Variants in RIGI observed in about 807,000 individuals in gnomAD.
RIGI encodes RNA sensor RIG-I, also known as antiviral innate immune response receptor RIG-I.
At chr9:32,510,331 C>T in the RIGI span, among the ~76,000 whole-genome samples, 192 of 152,224 alleles carry the variant, frequency 1.3e-3, no homozygotes, top group Non-Finnish European at 2.2e-3. Context: ...TTAGGTGCAG[C>T]CAGAGAGAAA....
At chr9:32,497,762 G>A in the RIGI span, among the ~76,000 whole-genome samples, 6 of 148,232 alleles carry the variant, frequency 4.0e-5, no homozygotes, top group African/African-American at 1.6e-4. Context: ...AAAAATGAAT[G>A]AATGAATAAA....
chr9:32,473,980 G>A, the RIGI span, among the ~76,000 whole-genome samples: 1 of 152,090 alleles, frequency 6.6e-6, no homozygotes, highest in Non-Finnish European at 1.5e-5. Context: ...GTGAGCCGAG[G>A]TTGTGCCACT....
chr9:32,525,978 T>A, the RIGI span: 5 of 1,078,732 alleles, frequency 4.6e-6, no homozygotes, highest in Non-Finnish European at 5.7e-6. Context: ...GCTCTCTGCA[T>A]TGATTAAAAG....
At chr9:32,467,670 G>A in the RIGI span, 2 of 1,300,232 alleles carry the variant, frequency 1.5e-6, no homozygotes, top group South Asian at 1.8e-5. Flanking sequence ...ACTCAACCAT[G>A]GCTCAGTAAA....
the RIGI span, chr9:32,457,495 A>AAAG: frequency 8.3e-7 from 1 of 1,206,538 alleles, no homozygotes; most frequent in Non-Finnish European, 1.1e-6. Flanking sequence ...AAAAAAAAAA[A>AAAG]AAGAAAACCC....
the RIGI span, among the ~76,000 whole-genome samples, chr9:32,478,712 A>G: frequency 2.6e-5 from 4 of 152,098 alleles, no homozygotes; most frequent in South Asian, 8.3e-4. Context: ...GGAGCATACC[A>G]CTATGCTCAG....
the RIGI span, among the ~76,000 whole-genome samples, chr9:32,499,480 G>A: frequency 6.6e-6 from 1 of 151,712 alleles, no homozygotes; most frequent in African/African-American, 2.4e-5. Flanking sequence ...AATTTGAGAA[G>A]GAGTTTCACT....
At chr9:32,503,733 G>C in the RIGI span, among the ~76,000 whole-genome samples, 1 of 152,020 alleles carries the variant, frequency 6.6e-6, no homozygotes, top group African/African-American at 2.4e-5. Context: ...GTTGGCCTTT[G>C]ACTCCAAAAT....
the RIGI span, among the ~76,000 whole-genome samples, chr9:32,476,830 C>G: frequency 6.6e-6 from 1 of 152,090 alleles, no homozygotes; most frequent in South Asian, 2.1e-4. Flanking sequence ...CTATGTTGCC[C>G]AGGCAGGTCT....
chr9:32,478,883 T>C, the RIGI span, among the ~76,000 whole-genome samples: 1 of 152,178 alleles, frequency 6.6e-6, no homozygotes, highest in African/African-American at 2.4e-5. Context: ...GAGTTTAGAC[T>C]TATGAACATG....
the RIGI span, among the ~76,000 whole-genome samples, chr9:32,491,805 T>C: frequency 6.6e-6 from 1 of 151,988 alleles, no homozygotes; most frequent in Non-Finnish European, 1.5e-5. Context: ...CAGATGTGTA[T>C]TTATACAGTT....
At chr9:32,526,046 G>A in the RIGI span, 3 of 1,594,134 alleles carry the variant, frequency 1.9e-6, no homozygotes, top group African/African-American at 1.3e-5. Context: ...AGAAGGCGCC[G>A]CTGGAGACAC....
At chr9:32,457,240 A>G in the RIGI span, 10 of 1,614,170 alleles carry the variant, frequency 6.2e-6, no homozygotes, top group Non-Finnish European at 8.5e-6. Flanking sequence ...TTCAATTTTT[A>G]TAACTGGAAT....
At chr9:32,485,437 G>C in the RIGI span, 3 of 641,026 alleles carry the variant, frequency 4.7e-6, no homozygotes, top group Non-Finnish European at 8.3e-6. Context: ...AGGTGGTCCA[G>C]ATGATACAAC....
chr9:32,482,295 G>A, the RIGI span, among the ~76,000 whole-genome samples: 1 of 152,084 alleles, frequency 6.6e-6, no homozygotes, highest in African/African-American at 2.4e-5. Context: ...CACAACCCAT[G>A]AGATACATAT....
chr9:32,513,405 G>C, the RIGI span, among the ~76,000 whole-genome samples: 3 of 152,290 alleles, frequency 2.0e-5, no homozygotes, highest in African/African-American at 4.8e-5. Context: ...GAACAGAACA[G>C]TCATCAGAAA....
the RIGI span, among the ~76,000 whole-genome samples, chr9:32,510,098 C>CCGGGT: frequency 1.3e-5 from 2 of 151,798 alleles, no homozygotes; most frequent in African/African-American, 2.4e-5. Flanking sequence ...GTGAAAAGAC[C>CCGGGT]AAACCTATGT....
the RIGI span, chr9:32,488,583 A>T: frequency 3.7e-6 from 3 of 807,506 alleles, no homozygotes; most frequent in African/African-American, 1.8e-5. Flanking sequence ...TCTAACAAAA[A>T]AGACTTGAAT....
chr9:32,523,357 G>T, the RIGI span, among the ~76,000 whole-genome samples: 397 of 152,282 alleles, frequency 2.6e-3, 3 homozygotes, highest in African/African-American at 9.3e-3. Flanking sequence ...CACCTGTGCA[G>T]CCAACAATCT....
Sources: allele counts gnomAD v4.1 joint callset (sites outside exome capture counted in the v4.1 genomes callset), GRCh38; gene constraint gnomAD v4.1.1; transcripts MANE v1.5; gene names NCBI Gene and HGNC (gene_info 2026-07-23, HGNC 2026-07-21).